IL23R: variants seen among roughly 807,000 people sequenced by gnomAD.
IL23R encodes the protein interleukin 23 receptor, also known as interleukin-23 receptor.
IL23R carries 34 observed loss-of-function variants against 56.9 expected under a neutral mutation model. The ratio of observed to expected loss-of-function variants is 0.60; its 90% CI spans 0.45 to 0.80. The LOEUF is 0.80. IL23R is among the 30% of genes least tolerant of loss of function. IL23R has a pLI of 0.00. For missense variants in IL23R, 635 were observed against 730.0 expected (o/e 0.87, Z 1.50); for synonymous variants, 230 against 249.2 (o/e 0.92, Z 0.73).
chr1:67,247,306 CTTT>C (rs754056239), intron 9 of IL23R, among the ~76,000 whole-genome samples: 3 of 139,740 alleles, frequency 2.1e-5, no homozygotes, highest in African/African-American at 2.6e-5. Context: ...AGCCCATTTA[CTTT>C]TTTTTTTTTT....
At chr1:67,139,836 C>T (rs552118682) in intron 1 of IL23R, among the ~76,000 whole-genome samples, 103 of 152,314 alleles carry the variant, frequency 6.8e-4, no homozygotes, top group African/African-American at 2.3e-3. Context: ...CCACTGCACC[C>T]AGCTTGGTGG....
At chr1:67,177,304 A>G (rs1647023967) in intron 3 of IL23R, among the ~76,000 whole-genome samples, 1 of 151,936 alleles carries the variant, frequency 6.6e-6, no homozygotes, top group Non-Finnish European at 1.5e-5. Flanking sequence ...TTTAATGATC[A>G]CCATTCTACC....
rs755146557 is a variant in IL23R, at chr1:67,182,954, G to C, written c.486G>C (p.Val162=). 1.2e-6 allele frequency: 2 copies of C among 1,613,964 alleles called. No homozygotes were observed. Among genetic ancestry groups the C allele is most frequent in the Admixed American group, 3.3e-5 (2 of 60,020 alleles). Reference sequence around the variant, plus strand: ...TAGACACAAAATACGTGGTACATGTGAAGAGGTAGGTCACTTCCTCACGGC... The same window carrying C: ...TAGACACAAAATACGTGGTACATGTCAAGAGGTAGGTCACTTCCTCACGGC... ...TYIDTKYVVH[V]KSLETEEEQQ... The change falls in exon 4 of 11, where the codon GTG becomes GTC. Residue 162 remains valine (V), a synonymous_variant. Coordinates refer to ENST00000347310, the MANE Select transcript of IL23R (RefSeq NM_144701.3).
intron 7 of IL23R, among the ~76,000 whole-genome samples, chr1:67,233,871 A>G (rs1344872105): frequency 6.6e-6 from 1 of 150,784 alleles, no homozygotes; most frequent in Non-Finnish European, 1.5e-5. Flanking sequence ...TTTTTTAGCA[A>G]ATTAGGCAAT....
Position 67,200,726 on chromosome 1 carries a change from T to G in IL23R, c.492-11T>G, listed in dbSNP as rs757169560. 5 of 1,612,004 alleles carry G rather than the reference T, an allele frequency of 3.1e-6. No individual in the cohort carries two copies. The highest frequency in any genetic ancestry group is 1.1e-5 in the South Asian group (1 of 91,040). On this transcript the variant is annotated splice_polypyrimidine_tract_variant and intron_variant, in intron 4 of 10. Coordinates refer to ENST00000347310, the MANE Select transcript of IL23R (RefSeq NM_144701.3). ...ATACAATTTATGATCATCTTTTTTT[T>G]TTGTTTTAAGTTTAGAGACAGAAGA...
chr1:67,179,633 A>T (rs1647062018), intron 3 of IL23R, among the ~76,000 whole-genome samples: 1 of 151,444 alleles, frequency 6.6e-6, no homozygotes, highest in Admixed American at 6.6e-5. Flanking sequence ...TTCTGCTCTG[A>T]TCTTAGTTAT....
intron 7 of IL23R, among the ~76,000 whole-genome samples, chr1:67,235,364 GC>G (rs1307686666): frequency 1.3e-5 from 2 of 151,012 alleles, no homozygotes; most frequent in Non-Finnish European, 2.9e-5. Flanking sequence ...TCACGCTTAT[GC>G]CTGCACCCAG....
At chr1:67,247,174 T>A (rs1430561536) in intron 9 of IL23R, among the ~76,000 whole-genome samples, 1 of 152,174 alleles carries the variant, frequency 6.6e-6, no homozygotes, top group African/African-American at 2.4e-5. Flanking sequence ...TGGTAAATCT[T>A]CCTTCATCCC....
chr1:67,237,570 C>A (rs7542081), intron 8 of IL23R, among the ~76,000 whole-genome samples: 85,637 of 152,006 alleles, frequency 0.56, 25,142 homozygotes, highest in East Asian at 0.78. Context: ...AAATTCAAAT[C>A]CTTTTCTTTC....
chr1:67,265,289 G>C, the IL23R span, among the ~76,000 whole-genome samples: 1 of 152,148 alleles, frequency 6.6e-6, no homozygotes, highest in East Asian at 1.9e-4. Flanking sequence ...AAAAATCAAA[G>C]GAATACCAGT....
chr1:67,171,979 G>A (rs1047936686), intron 3 of IL23R, among the ~76,000 whole-genome samples: 6 of 152,074 alleles, frequency 3.9e-5, no homozygotes, highest in African/African-American at 7.2e-5. Flanking sequence ...ATTCTCTGCC[G>A]ATGGCTGCTT....
chr1:67,141,889 G>T (rs997639432), intron 1 of IL23R, among the ~76,000 whole-genome samples: 4 of 152,184 alleles, frequency 2.6e-5, no homozygotes, highest in Non-Finnish European at 4.4e-5. Context: ...ATTTCGTGGG[G>T]CAGGGGGAGA....
intron 2 of IL23R, 89 bp from the exon 3 acceptor site, chr1:67,169,253 T>C (rs1646912188): frequency 9.9e-7 from 1 of 1,008,870 alleles, no homozygotes; most frequent in Non-Finnish European, 1.5e-6. Flanking sequence ...TTAATAGAAA[T>C]GATAAATTTA....
chr1:67,236,859 C>T lies in IL23R; in HGVS notation c.1045+57C>T, dbSNP rs944422204. 2.7e-5 allele frequency: 30 copies of T among 1,106,352 alleles called. No homozygotes were observed. The African/African-American group carries it at 4.6e-4, about 17-fold the overall frequency. 68.5% of individuals were successfully genotyped at this position (1,106,352 alleles called of 1,614,324 possible). On this transcript the variant is annotated intron_variant, in intron 8 of 10. Coordinates refer to ENST00000347310, the MANE Select transcript of IL23R (RefSeq NM_144701.3). ...GTCTTTTAGTAATTGCCCATTTTAA[C>T]CCATCATACTGAAAAAATCACATCA...
the IL23R span, among the ~76,000 whole-genome samples, chr1:67,265,336 C>CT: frequency 6.6e-6 from 1 of 152,142 alleles, no homozygotes; most frequent in Non-Finnish European, 1.5e-5. Flanking sequence ...CTATTCACTC[C>CT]TTTTTTTCCC....
intron 4 of IL23R, among the ~76,000 whole-genome samples, chr1:67,193,706 C>T (rs759359421): frequency 6.6e-6 from 1 of 152,164 alleles, no homozygotes. Flanking sequence ...AAGTGTTGTT[C>T]TCCTTTCTAC....
At chr1:67,167,011 G>GAGT (rs1246291712) in intron 1 of IL23R, among the ~76,000 whole-genome samples, 2 of 152,180 alleles carry the variant, frequency 1.3e-5, no homozygotes, top group Non-Finnish European at 2.9e-5. Context: ...TAATCAAATA[G>GAGT]TGTAACTCTA....
Position 67,158,695 on chromosome 1 carries a change from G to T in IL23R, c.-633-9397G>T, listed in dbSNP as rs144088529. 7.2e-5 allele frequency among the ~76,000 whole-genome samples: 11 copies of T among 152,158 alleles called. No individual in the cohort carries two copies. In the East Asian group the frequency reaches 2.1e-3, roughly 29 times the overall value. On this transcript the variant is annotated intron_variant, in intron 1 of 10. Coordinates refer to the IL23R transcript ENST00000637002. ...CAGTTTGGTCTGGTGTCCAAGTCCT[G>T]CCTCTGGAGTGAAGTACCATCTCTT...
At chr1:67,211,947 C>T (rs1649505690) in intron 6 of IL23R, among the ~76,000 whole-genome samples, 1 of 152,086 alleles carries the variant, frequency 6.6e-6, no homozygotes, top group Admixed American at 6.5e-5. Context: ...GTATTAGCTC[C>T]ATTATATAAA....
Sources: allele counts gnomAD v4.1 joint callset (sites outside exome capture counted in the v4.1 genomes callset), GRCh38; gene constraint gnomAD v4.1.1; transcripts MANE v1.5; gene names NCBI Gene and HGNC (gene_info 2026-07-23, HGNC 2026-07-21).